The following STT3B variants were observed in gnomAD, a reference collection of about 807,000 sequenced individuals.
STT3B encodes STT3 oligosaccharyltransferase complex catalytic subunit B, also known as dolichyl-diphosphooligosaccharide--protein glycosyltransferase subunit STT3B.
Under a neutral mutation model 96.8 loss-of-function variants are expected in STT3B, and 29 were observed. The observed-to-expected ratio is 0.30, with a 90% CI of 0.22 to 0.41. The LOEUF (loss-of-function observed/expected upper bound fraction) is 0.41, where lower values mean the gene tolerates loss of function less well. Ranked by LOEUF, STT3B falls within the 10% of genes least tolerant of loss-of-function variation. The probability of loss-of-function intolerance (pLI) is 1.00; values close to 1 mark genes in which losing one functional copy is unlikely to be tolerated. For synonymous variants in STT3B, 367 were observed against 360.0 expected, an observed-to-expected ratio of 1.02 and a Z score of -0.22; for missense variants, 640 against 1,022.3, an observed-to-expected ratio of 0.63 and a Z score of 5.10.
chr3:31,540,520 TC>T (rs1225201406), intron 1 of STT3B, among the ~76,000 whole-genome samples: 3 of 152,150 alleles, frequency 2.0e-5, no homozygotes, highest in Non-Finnish European at 4.4e-5. Context: ...TAAAGACTTT[TC>T]TCCCCAGTAT....
chr3:31,615,892 T>A (rs1296836430), intron 6 of STT3B, among the ~76,000 whole-genome samples: 2 of 151,910 alleles, frequency 1.3e-5, no homozygotes, highest in African/African-American at 2.4e-5. Flanking sequence ...AAGTTTTATG[T>A]TTAATGTTTT....
At chr3:31,539,603 A>G (rs567408869) in intron 1 of STT3B, among the ~76,000 whole-genome samples, 7 of 152,252 alleles carry the variant, frequency 4.6e-5, no homozygotes, top group East Asian at 1.9e-4. Context: ...ATACTGGTCT[A>G]TCAGAATACC....
chr3:31,558,960 G>A (rs1401148253), intron 1 of STT3B, among the ~76,000 whole-genome samples: 5 of 150,918 alleles, frequency 3.3e-5, no homozygotes, highest in South Asian at 2.1e-4. Flanking sequence ...ATAGTTGTTC[G>A]TAGTAGTCTC....
intron 1 of STT3B, among the ~76,000 whole-genome samples, chr3:31,569,474 G>A (rs1341514256): frequency 6.6e-6 from 1 of 152,160 alleles, no homozygotes; most frequent in Non-Finnish European, 1.5e-5. Flanking sequence ...ATCAGGTTAA[G>A]AGAAGTTGGA....
At chr3:31,584,907 A>G (rs1394236364) in intron 3 of STT3B, among the ~76,000 whole-genome samples, 1 of 152,108 alleles carries the variant, frequency 6.6e-6, no homozygotes, top group African/African-American at 2.4e-5. Flanking sequence ...TTAAAATTTC[A>G]TTATTACTAA....
intron 5 of STT3B, among the ~76,000 whole-genome samples, chr3:31,612,061 C>G (rs1699193513): frequency 6.6e-6 from 1 of 152,090 alleles, no homozygotes; most frequent in Admixed American, 6.5e-5. Context: ...TTTGAAAATT[C>G]AAAACTTTCT....
At chr3:31,593,192 G>A (rs762136870) in intron 3 of STT3B, among the ~76,000 whole-genome samples, 10 of 152,054 alleles carry the variant, frequency 6.6e-5, no homozygotes, top group Non-Finnish European at 1.2e-4. Context: ...AAGTAATTGC[G>A]GTTATTCCCA....
In STT3B at chr3:31,579,990, C is replaced by T. The variant is rs1238052753; in HGVS notation, c.605C>T (p.Ala202Val). The change falls in exon 3 of 16, where the codon GCT becomes GTT. Residue 202 changes from alanine to valine, a missense_variant. Physicochemically the swap from Ala to Val is moderately conservative, Grantham distance 64. Coordinates refer to ENST00000295770, the MANE Select transcript of STT3B (RefSeq NM_178862.3). ...AACCAAGGAGCAGGACTTTTAGCTGCTTGTTTTATTGCTATTGTACCAGGC... is the reference window on the plus strand; with the variant it reads ...AACCAAGGAGCAGGACTTTTAGCTGTTTGTTTTATTGCTATTGTACCAGGC... The part of the protein sequence containing the change: ...LWNQGAGLLA[A>V]CFIAIVPGYI... The T allele has an allele frequency of 1.2e-6, 2 of 1,613,664 alleles. No individual in the cohort carries two copies. Among genetic ancestry groups the T allele is most frequent in the Non-Finnish European group, 1.7e-6 (2 of 1,179,788 alleles).
chr3:31,551,731 A>AGAACAGAGTGAT (rs1390073887), intron 1 of STT3B, among the ~76,000 whole-genome samples: 6 of 152,224 alleles, frequency 3.9e-5, no homozygotes, highest in African/African-American at 1.4e-4. Flanking sequence ...TAGTCTTTGA[A>AGAACAGAGTGAT]GAACAGAGTG....
chr3:31,586,004 G>C (rs1698526838), intron 3 of STT3B, among the ~76,000 whole-genome samples: 4 of 152,098 alleles, frequency 2.6e-5, no homozygotes, highest in African/African-American at 9.6e-5. Context: ...GATAAGTATA[G>C]GTTTAACTTT....
chr3:31,592,775 A>G (rs1388893490), intron 3 of STT3B, among the ~76,000 whole-genome samples: 1 of 152,196 alleles, frequency 6.6e-6, no homozygotes. Flanking sequence ...ATTTCCCGTC[A>G]TATATTTCTT....
At chr3:31,573,095 T>C (rs1346687196) in intron 1 of STT3B, among the ~76,000 whole-genome samples, 2 of 151,998 alleles carry the variant, frequency 1.3e-5, no homozygotes, top group Non-Finnish European at 2.9e-5. Flanking sequence ...TTAGCAGTCT[T>C]AACGATCCTG....
In STT3B at chr3:31,536,970, C is replaced by T. The variant is rs563209402; in HGVS notation, c.314+3658C>T. On this transcript the variant is annotated intron_variant, in intron 1 of 15. Coordinates refer to ENST00000295770, the MANE Select transcript of STT3B (RefSeq NM_178862.3). Reference sequence around the variant, plus strand: ...CTTGTTCAATTGTGGTAGCCTTTCCCATAGAAGCAATGAAGTTCCCTATGT... The same window carrying T: ...CTTGTTCAATTGTGGTAGCCTTTCCTATAGAAGCAATGAAGTTCCCTATGT... Among the ~76,000 whole-genome samples, 228 of 152,294 alleles carry T rather than the reference C, an allele frequency of 1.5e-3. 1 individual carries two copies. Among genetic ancestry groups the T allele is most frequent in the African/African-American group, 5.3e-3 (222 of 41,564 alleles).
At chr3:31,633,297 T>G in intron 15 of STT3B, 150 bp downstream of exon 15, 2 of 700,892 alleles carry the variant, frequency 2.9e-6, no homozygotes, top group Non-Finnish European at 4.6e-6. Flanking sequence ...CAGCCTAGCC[T>G]GCTAGGAGCA....
In STT3B at chr3:31,561,526, A is replaced by AT. The variant is rs1281985843; in HGVS notation, c.315-14863dup. Among the ~76,000 whole-genome samples the AT allele has an allele frequency of 2.6e-5, 4 of 152,114 alleles. No homozygotes were observed. In the East Asian group the frequency reaches 7.7e-4, roughly 29 times the overall value. On this transcript the variant is annotated intron_variant, in intron 1 of 15. Transcript: ENST00000295770. ...ATAGGTCTTATTCATTCGTGCTGGA[A>AT]TTTTTTTGTGTGTGCCCATTTAACC... is the stretch of plus-strand genomic sequence containing the variant.
At chr3:31,617,159 A>G in intron 7 of STT3B, 84 bp downstream of exon 7, 4 of 1,082,706 alleles carry the variant, frequency 3.7e-6, no homozygotes, top group Middle Eastern at 2.4e-4. Flanking sequence ...AATCTGAATA[A>G]CAGCATGACT....
chr3:31,636,774 C>T lies in STT3B; in HGVS notation c.*710C>T, dbSNP rs1390499503. 3 of 152,058 alleles carry T rather than the reference C, an allele frequency of 2.0e-5. No individual in the cohort carries two copies. Among genetic ancestry groups the T allele is most frequent in the Non-Finnish European group, 2.9e-5 (2 of 67,994 alleles). The allele number at this position is 152,058 out of a possible 1,614,324, so 9.4% of individuals were successfully genotyped here. ...TACAGAGCAGATTTCATACATCATT[C>T]ATTCAAGGGCTAAATTTATATTTTT... is the stretch of plus-strand genomic sequence containing the variant. On this transcript the variant is annotated 3_prime_UTR_variant, in exon 16 of 16. Coordinates refer to ENST00000295770, the MANE Select transcript of STT3B (RefSeq NM_178862.3).
rs1227349406 is a variant in STT3B, at chr3:31,600,456, A to G, written c.874A>G (p.Ile292Val). The G allele has an allele frequency of 1.4e-6, 2 of 1,469,814 alleles. No individual in the cohort carries two copies. Among genetic ancestry groups the G allele is most frequent in the Non-Finnish European group, 1.9e-6 (2 of 1,058,596 alleles). The allele number at this position is 1,469,814 out of a possible 1,614,324, so 91.0% of individuals were successfully genotyped here. A position where few individuals can be genotyped will look rare whatever the true frequency, so the allele number is the denominator to read the frequency against. Residue 292 changes from isoleucine (I) to valine (V), a missense_variant, in exon 5 of 16, where the codon ATA (isoleucine) becomes GTA (valine). This residue lies in a region of STT3B where 267 missense variants were observed against 388.3 expected (regional missense o/e 0.69). Transcript: ENST00000295770. ...GCAGAGATACAGCAAAAGAGTCTAC[A>G]TAGGTAAGTAATTTGATTTTTGACA... ...LMQRYSKRVY[I>V]AYSTFYIVGL... is the part of the protein sequence containing the mutation.
chr3:31,551,006 T>G (rs1191306724), intron 1 of STT3B, among the ~76,000 whole-genome samples: 2 of 152,186 alleles, frequency 1.3e-5, no homozygotes, highest in African/African-American at 2.4e-5. Flanking sequence ...CAAATAGTGG[T>G]ACTTAGTCCT....
Sources: allele counts gnomAD v4.1 joint callset (sites outside exome capture counted in the v4.1 genomes callset), GRCh38; gene constraint gnomAD v4.1.1; regional missense constraint gnomAD v4.1.1; transcripts MANE v1.5; gene names NCBI Gene and HGNC (gene_info 2026-07-23, HGNC 2026-07-21).